H2BC18: variants seen among roughly 807,000 people sequenced by gnomAD.
H2BC18 encodes the protein H2B clustered histone 18, also known as histone H2B type 2-F.
A neutral mutation model predicts 6.3 loss-of-function variants in H2BC18; 8 were observed. The observed-to-expected ratio is 1.28, with a 90% CI of 0.75 to 2.31. The LOEUF (loss-of-function observed/expected upper bound fraction) is 2.31. Among genes scored for constraint, H2BC18 ranks in the 30% most tolerant of loss-of-function variants. H2BC18 has a pLI of 0.00. For synonymous variants in H2BC18, 104 were observed against 78.1 expected (o/e 1.33, Z -1.75); for missense variants, 106 against 174.5 (o/e 0.61, Z 2.21).
Position 149,812,246 on chromosome 1 carries a change from G to C in H2BC18, c.78C>G (p.Asp26Glu), listed in dbSNP as rs782629314. Residue 26 changes from aspartate to glutamate, a missense_variant, in exon 1 of 1, where the codon GAC becomes GAG. Asp to Glu is a conservative substitution (Grantham distance 45, BLOSUM62 2). Coordinates refer to ENST00000369167, the MANE Select transcript of H2BC18 (RefSeq NM_001024599.5). The part of the protein sequence containing the change: ...KKAVTKVQKK[D>E]GKKRKRSRKE... The stretch of plus-strand genomic sequence containing the variant: ...TGCGGCTGCGCTTGCGCTTCTTGCC[G>C]TCCTTCTTCTGCACTTTCGTAACAG... The C allele has an allele frequency of 1.2e-6, 2 of 1,614,268 alleles. No individual in the cohort carries two copies. Among genetic ancestry groups the C allele is most frequent in the Admixed American group, 1.7e-5 (1 of 60,030 alleles).
chr1:149,800,200 T>G (rs2091851268), intron 1 of H2BC18, among the ~76,000 whole-genome samples: 2 of 152,176 alleles, frequency 1.3e-5, no homozygotes, highest in Admixed American at 6.5e-5. Flanking sequence ...AGGTAAAGTA[T>G]GGGGGAAGGA....
intron 1 of H2BC18, chr1:149,787,861 T>G: frequency 5.1e-6 from 1 of 195,124 alleles, no homozygotes; most frequent in Non-Finnish European, 1.1e-5. Flanking sequence ...GGCCCTTGCC[T>G]TGTGGCACTC....
chr1:149,798,737 A>G (rs1197088273), intron 1 of H2BC18, among the ~76,000 whole-genome samples: 1 of 152,046 alleles, frequency 6.6e-6, no homozygotes, highest in Non-Finnish European at 1.5e-5. Flanking sequence ...TCAGCCTCCT[A>G]AGTAGCTGGG....
At chr1:149,789,916 C>A in intron 1 of H2BC18, 1 of 1,549,432 alleles carries the variant, frequency 6.5e-7, no homozygotes, top group Non-Finnish European at 8.8e-7. Flanking sequence ...TGGCTCTCTG[C>A]TGGAAGTAAA....
At chr1:149,790,770 A>G (rs1553751718) in intron 1 of H2BC18, among the ~76,000 whole-genome samples, 1 of 149,564 alleles carries the variant, frequency 6.7e-6, no homozygotes, top group East Asian at 2.0e-4. Flanking sequence ...CTGGGGATAT[A>G]AAGACATTTG....
downstream of H2BC18, among the ~76,000 whole-genome samples, chr1:149,809,739 AAGAG>A (rs1176839934): frequency 6.7e-6 from 1 of 148,438 alleles, no homozygotes; most frequent in African/African-American, 2.6e-5. Context: ...ATGAGGCCTT[AAGAG>A]AAAGACTTCC....
intron 1 of H2BC18, chr1:149,790,199 C>T: frequency 1.9e-6 from 3 of 1,613,780 alleles, no homozygotes; most frequent in South Asian, 2.2e-5. Flanking sequence ...GCAGCAAGAC[C>T]CTGCGAGGCA....
Position 149,785,408 on chromosome 1 carries a change from G to GTTT in H2BC18, c.378-2151_378-2149dup, listed in dbSNP as rs10670379. On this transcript the variant is annotated intron_variant, in intron 1 of 1. Coordinates refer to the H2BC18 transcript ENST00000545683. ...TTAGGGAAGCTGACAGAGCTGTTTC[G>GTTT]TTTTTTTTTTTTTTTTTTTTTTTTT... Among the ~76,000 whole-genome samples the GTTT allele has an allele frequency of 8.1e-4, 55 of 67,646 alleles. 5 individuals carry two copies. The highest frequency in any genetic ancestry group is 1.5e-3 in the Non-Finnish European group (46 of 30,472). The allele number at this position is 67,646 out of a possible 152,430, so 44.4% of individuals were successfully genotyped here.
At chr1:149,804,127 A>G (rs1313221681) in intron 1 of H2BC18, among the ~76,000 whole-genome samples, 3 of 152,160 alleles carry the variant, frequency 2.0e-5, no homozygotes, top group African/African-American at 7.2e-5. Flanking sequence ...TTTTCTAGAT[A>G]ATTTCTATTC....
chr1:149,800,678 AT>A (rs1553753235), intron 1 of H2BC18, among the ~76,000 whole-genome samples: 1 of 142,744 alleles, frequency 7.0e-6, no homozygotes, highest in Non-Finnish European at 1.5e-5. Flanking sequence ...CCCTTGTTGA[AT>A]TTTTATGTCA....
chr1:149,798,570 T>C (rs1434196551), intron 1 of H2BC18, among the ~76,000 whole-genome samples: 24 of 151,208 alleles, frequency 1.6e-4, no homozygotes, highest in Non-Finnish European at 4.4e-5. Context: ...TTTATGAATA[T>C]GATATACCCT....
intron 1 of H2BC18, among the ~76,000 whole-genome samples, chr1:149,800,722 G>A (rs1363901010): frequency 4.1e-5 from 6 of 146,250 alleles, no homozygotes; most frequent in Admixed American, 3.4e-4. Context: ...AGATGTGGGA[G>A]CGCCCAGTTA....
chr1:149,784,891 AT>A (rs1340864979), intron 1 of H2BC18, among the ~76,000 whole-genome samples: 2 of 151,892 alleles, frequency 1.3e-5, no homozygotes, highest in South Asian at 4.1e-4. Flanking sequence ...CATTCTGCCT[AT>A]TAGCAAATTT....
At chr1:149,807,533 T>TGGGGGGG (rs2091930488), downstream of H2BC18, among the ~76,000 whole-genome samples, 1 of 46,172 alleles carries the variant, frequency 2.2e-5, no homozygotes, top group Non-Finnish European at 4.0e-5. Context: ...GGGGCGGGCA[T>TGGGGGGG]GGTGGTACAC....
intron 1 of H2BC18, among the ~76,000 whole-genome samples, chr1:149,794,300 CAATA>C (rs1160304301): frequency 6.6e-6 from 1 of 151,600 alleles, no homozygotes; most frequent in Non-Finnish European, 1.5e-5. Context: ...TGGGTCAAAG[CAATA>C]AATATTCCAT....
chr1:149,805,195 G>A (rs868985118), intron 1 of H2BC18: 10 of 152,042 alleles, frequency 6.6e-5, no homozygotes, highest in South Asian at 6.2e-4. Flanking sequence ...TATTAGCCTT[G>A]AAAATGGTGA....
chr1:149,790,131 G>A, intron 1 of H2BC18: 1 of 1,613,948 alleles, frequency 6.2e-7, no homozygotes, highest in Non-Finnish European at 8.5e-7. Context: ...CCTGAGCTGT[G>A]AAACAAAGTT....
intron 1 of H2BC18, chr1:149,794,067 G>A: frequency 1.9e-6 from 1 of 533,270 alleles, no homozygotes. Flanking sequence ...ACCAGGCTTA[G>A]TTGGAGACAG....
At chr1:149,794,269 G>C (rs1184146624) in intron 1 of H2BC18, among the ~76,000 whole-genome samples, 1 of 151,042 alleles carries the variant, frequency 6.6e-6, no homozygotes, top group Non-Finnish European at 1.5e-5. Flanking sequence ...AGAAAGAGAA[G>C]GGGGGGGAAC....
Sources: gnomAD v4.1 joint callset for allele counts (sites outside exome capture counted in the v4.1 genomes callset) on GRCh38, gnomAD v4.1.1 for gene constraint, MANE v1.5 for transcripts, NCBI Gene and HGNC (gene_info 2026-07-23, HGNC 2026-07-21) for gene names.